U2SURP: variants seen among roughly 807,000 people sequenced by gnomAD.
U2SURP encodes U2 snRNP associated SURP domain containing, also known as U2 snRNP-associated SURP motif-containing protein.
A neutral mutation model predicts 144.9 loss-of-function variants in U2SURP; 9 were observed. That is an observed-to-expected ratio of 0.06 (90% CI 0.04 to 0.11). The LOEUF is 0.11. Among genes scored for constraint, U2SURP ranks in the 10% least tolerant of loss-of-function variants. The pLI is 1.00. For synonymous variants in U2SURP, 408 were observed against 396.8 expected (o/e 1.03, Z -0.33); for missense variants, 724 against 1,226.7 (o/e 0.59, Z 6.12).
intron 18 of U2SURP, 30 bp downstream of exon 18, chr3:143,033,380 G>T: frequency 8.6e-7 from 1 of 1,168,820 alleles, no homozygotes; most frequent in Non-Finnish European, 1.2e-6. Flanking sequence ...TGATATTCCT[G>T]AAATAAAGTA....
intron 24 of U2SURP, among the ~76,000 whole-genome samples, chr3:143,045,099 G>A (rs1033604526): frequency 3.9e-5 from 6 of 152,228 alleles, no homozygotes; most frequent in African/African-American, 1.4e-4. Flanking sequence ...GGCCAGCTGC[G>A]GTGGCTCATG....
chr3:143,017,020 A>G (rs756415456), intron 6 of U2SURP, 45 bp downstream of exon 6: 4 of 1,517,632 alleles, frequency 2.6e-6, no homozygotes, highest in Non-Finnish European at 3.5e-6. Context: ...CAGAGATGAC[A>G]CTGCCAGTGA....
chr3:143,051,802 A>AG (rs1491420413), intron 25 of U2SURP, among the ~76,000 whole-genome samples: 2 of 151,170 alleles, frequency 1.3e-5, no homozygotes, highest in Non-Finnish European at 2.9e-5. Flanking sequence ...GTGTACTCCT[A>AG]GGCAAGTCAC....
intron 23 of U2SURP, among the ~76,000 whole-genome samples, chr3:143,041,966 G>GTA (rs1311901443): frequency 7.0e-6 from 1 of 143,380 alleles, no homozygotes; most frequent in Non-Finnish European, 1.5e-5. Flanking sequence ...TTTGCCAATA[G>GTA]TATACACACA....
Position 143,028,546 on chromosome 3 carries a change from A to C in U2SURP, c.1510A>C (p.Arg504=), listed in dbSNP as rs1416370705. Residue 504 remains arginine, a synonymous_variant, in exon 16 of 28, where the codon AGG becomes CGG. Coordinates refer to ENST00000473835, the MANE Select transcript of U2SURP (RefSeq NM_001080415.2). The part of the protein sequence containing the change: ...FRMFKNGSFW[R]PPPLNPYLHG... Reference sequence around the variant, plus strand: ...TATGTTCAAAAATGGATCTTTTTGGAGGCCACCACCATTAAATCCGTACTT... The same window carrying C: ...TATGTTCAAAAATGGATCTTTTTGGCGGCCACCACCATTAAATCCGTACTT... The C allele has an allele frequency of 6.3e-7, 1 of 1,590,930 alleles. No individual in the cohort carries two copies. Among genetic ancestry groups the C allele is most frequent in the African/African-American group, 1.4e-5 (1 of 73,108 alleles).
At chr3:143,023,946 T>C in intron 12 of U2SURP, 29 bp from the exon 13 acceptor site, 1 of 1,608,126 alleles carries the variant, frequency 6.2e-7, no homozygotes, top group Non-Finnish European at 8.5e-7. Flanking sequence ...ATATTCTATG[T>C]TTATTATCTG....
At chr3:143,003,777 C>T (rs1277149715) in intron 1 of U2SURP, among the ~76,000 whole-genome samples, 2 of 148,298 alleles carry the variant, frequency 1.3e-5, no homozygotes, top group African/African-American at 2.5e-5. Context: ...TTGCAACCTC[C>T]GCCTCCCGGG....
At chr3:143,045,960 C>G (rs375289865) in intron 24 of U2SURP, among the ~76,000 whole-genome samples, 1 of 152,216 alleles carries the variant, frequency 6.6e-6, no homozygotes, top group Non-Finnish European at 1.5e-5. Flanking sequence ...ACAACTAGCT[C>G]TCTTCTCTGC....
rs1242670933 is a variant in U2SURP, at chr3:143,043,216, T to G, written c.2484T>G (p.Ser828=). The part of the protein sequence containing the change: ...SNPIKEEMTE[S]KFSKYSEMSE... Reference sequence around the variant, plus strand: ...CAATCAAAGAAGAAATGACTGAGTCTAAGTTCTCTAAGTACTCTGAAATGA... The same window carrying G: ...CAATCAAAGAAGAAATGACTGAGTCGAAGTTCTCTAAGTACTCTGAAATGA... Residue 828 remains serine, a synonymous_variant, in exon 24 of 28, where the codon TCT becomes TCG. Coordinates refer to ENST00000473835, the MANE Select transcript of U2SURP (RefSeq NM_001080415.2). 1 of 1,604,062 alleles carries G rather than the reference T, an allele frequency of 6.2e-7. No homozygotes were observed. Among genetic ancestry groups the G allele is most frequent in the Admixed American group, 1.7e-5 (1 of 58,640 alleles).
rs913457028 is a variant in U2SURP at position 143,032,902 on chromosome 3, A to G, written c.1729A>G (p.Ile577Val). ...AGCTGCTGAAGAAATAGTGGATTGC[A>G]TTACTGAGTCGTTGTCCATCTTAAA... ...AEAAEEIVDC[I>V]TESLSILKTP... The change falls in exon 17 of 28, where the codon ATT becomes GTT. Residue 577 changes from isoleucine to valine, a missense_variant. By Grantham distance (29) the Ile-to-Val change is conservative (BLOSUM62 3). Transcript: ENST00000473835. The G allele has an allele frequency of 6.2e-7, 1 of 1,613,716 alleles. No homozygotes were observed. Among genetic ancestry groups the G allele is most frequent in the Admixed American group, 1.7e-5 (1 of 60,024 alleles).
intron 24 of U2SURP, among the ~76,000 whole-genome samples, 189 bp downstream of exon 24, chr3:143,043,465 C>G (rs1934228913): frequency 6.6e-6 from 1 of 152,078 alleles, no homozygotes; most frequent in Non-Finnish European, 1.5e-5. Context: ...CTTTTCTTAC[C>G]CTTTTGGACT....
At chr3:143,022,228 G>A (rs1936673615) in intron 10 of U2SURP, among the ~76,000 whole-genome samples, 1 of 152,064 alleles carries the variant, frequency 6.6e-6, no homozygotes, top group African/African-American at 2.4e-5. Context: ...TAAAACAAAG[G>A]AAGATAGAGA....
chr3:143,044,414 G>C (rs775102186), intron 24 of U2SURP, among the ~76,000 whole-genome samples: 7 of 149,984 alleles, frequency 4.7e-5, no homozygotes, highest in East Asian at 2.0e-4. Flanking sequence ...TCAGCCTCTG[G>C]AGTAGCTGGG....
rs143766543 is a variant in U2SURP at position 143,033,667 on chromosome 3, G to T, written c.1853+317G>T. ...GAGATGATTTAACAGATGGGAGGAT[G>T]AGGATAGGTTACAGGTGAATATTAT... On this transcript the variant is annotated intron_variant, in intron 18 of 27. Transcript: ENST00000473835. Among the ~76,000 whole-genome samples, 58 of 152,326 alleles carry T rather than the reference G, an allele frequency of 3.8e-4. No individual in the cohort carries two copies. The East Asian group carries it at 0.011, about 28-fold the overall frequency.
chr3:143,018,141 T>A (rs1470167578), intron 6 of U2SURP, among the ~76,000 whole-genome samples: 1 of 152,142 alleles, frequency 6.6e-6, no homozygotes, highest in Non-Finnish European at 1.5e-5. Flanking sequence ...CCACTCTAAT[T>A]TCAGAATATT....
chr3:143,024,139 C>T (rs1280854764), intron 13 of U2SURP, 121 bp downstream of exon 13: 2 of 870,980 alleles, frequency 2.3e-6, no homozygotes, highest in Non-Finnish European at 3.7e-6. Context: ...CTTCCCAGTA[C>T]TTTTTGCGGG....
At chr3:143,009,267 G>A (rs181556715) in intron 1 of U2SURP, among the ~76,000 whole-genome samples, 1 of 152,162 alleles carries the variant, frequency 6.6e-6, no homozygotes. Context: ...AATCAGGGTG[G>A]ACACAAAAGT....
chr3:143,021,955 A>G (rs780925411), intron 10 of U2SURP, among the ~76,000 whole-genome samples: 11 of 152,170 alleles, frequency 7.2e-5, no homozygotes, highest in Non-Finnish European at 1.6e-4. Context: ...GCTGTTAATT[A>G]TGATATGGGG....
chr3:143,046,266 CT>C (rs1256140654), intron 24 of U2SURP, among the ~76,000 whole-genome samples: 3,927 of 67,206 alleles, frequency 0.058, 86 homozygotes, highest in African/African-American at 0.096. Context: ...GAAGCCAGTT[CT>C]TTTTTTTTTT....
Sources: allele counts gnomAD v4.1 joint callset (sites outside exome capture counted in the v4.1 genomes callset), GRCh38; gene constraint gnomAD v4.1.1; transcripts MANE v1.5; gene names NCBI Gene and HGNC (gene_info 2026-07-23, HGNC 2026-07-21).